Variants in HS3ST3A1 observed in about 807,000 individuals in gnomAD.
HS3ST3A1 encodes heparan sulfate glucosamine 3-O-sulfotransferase 3A1.
Under a neutral mutation model 25.7 loss-of-function variants are expected in HS3ST3A1, and 19 were observed. The ratio of observed to expected loss-of-function variants is 0.74; its 90% CI spans 0.52 to 1.08. The LOEUF (loss-of-function observed/expected upper bound fraction) is 1.08. HS3ST3A1 is among the 50% of genes least tolerant of loss of function. The probability of loss-of-function intolerance (pLI) is 0.00; values close to 1 mark genes in which losing one functional copy is unlikely to be tolerated. For missense variants in HS3ST3A1, 459 were observed against 594.3 expected (o/e 0.77, Z 2.37); for synonymous variants, 226 against 278.6 (o/e 0.81, Z 1.88).
chr17:13,505,374 C>T (rs568176024), intron 1 of HS3ST3A1, among the ~76,000 whole-genome samples: 1 of 152,210 alleles, frequency 6.6e-6, no homozygotes, highest in East Asian at 1.9e-4. Flanking sequence ...AACTGAGGAG[C>T]TGTATGAAAT....
intron 1 of HS3ST3A1, among the ~76,000 whole-genome samples, chr17:13,500,829 G>T (rs1006968270): frequency 6.6e-6 from 1 of 152,128 alleles, no homozygotes; most frequent in Non-Finnish European, 1.5e-5. Flanking sequence ...TCTCCCCATA[G>T]AACTCAAAGA....
chr17:13,567,360 G>C (rs1416868048), intron 1 of HS3ST3A1, among the ~76,000 whole-genome samples: 1 of 152,198 alleles, frequency 6.6e-6, no homozygotes, highest in Non-Finnish European at 1.5e-5. Context: ...TGAGGTATAA[G>C]ATGAATGTTG....
intron 1 of HS3ST3A1, among the ~76,000 whole-genome samples, chr17:13,585,833 C>A: frequency 1.4e-5 from 2 of 145,930 alleles, no homozygotes; most frequent in African/African-American, 2.6e-5. Flanking sequence ...GTTATTCCTC[C>A]TTCTGCGTTT....
intron 1 of HS3ST3A1, among the ~76,000 whole-genome samples, chr17:13,534,239 A>G (rs553443895): frequency 3.9e-5 from 6 of 152,302 alleles, no homozygotes; most frequent in Admixed American, 6.5e-5. Flanking sequence ...AAGCAGATAC[A>G]TATTTAAGAT....
intron 1 of HS3ST3A1, among the ~76,000 whole-genome samples, chr17:13,506,671 G>A (rs566324652): frequency 5.0e-4 from 76 of 152,344 alleles, no homozygotes; most frequent in African/African-American, 1.3e-3. Flanking sequence ...TCTATGAGCA[G>A]AGAGGTCTCA....
At chr17:13,506,199 T>C (rs1905670511) in intron 1 of HS3ST3A1, among the ~76,000 whole-genome samples, 1 of 151,760 alleles carries the variant, frequency 6.6e-6, no homozygotes, top group Non-Finnish European at 1.5e-5. Context: ...GAAGACAACA[T>C]AGTTTTATAG....
intron 1 of HS3ST3A1, among the ~76,000 whole-genome samples, chr17:13,553,426 A>G (rs1907293194): frequency 6.6e-6 from 1 of 152,178 alleles, no homozygotes; most frequent in Non-Finnish European, 1.5e-5. Context: ...GCAGCTTTAA[A>G]TAACAGCATC....
intron 1 of HS3ST3A1, among the ~76,000 whole-genome samples, chr17:13,578,790 A>G (rs1908021187): frequency 6.6e-6 from 1 of 152,210 alleles, no homozygotes; most frequent in Non-Finnish European, 1.5e-5. Flanking sequence ...AGTAAGAGGA[A>G]TTACAGAGAT....
intron 1 of HS3ST3A1, among the ~76,000 whole-genome samples, chr17:13,548,606 G>A (rs887851311): frequency 9.2e-5 from 14 of 152,140 alleles, no homozygotes; most frequent in African/African-American, 3.4e-4. Context: ...CACTCCACAT[G>A]TTGAGAGGTG....
intron 1 of HS3ST3A1, among the ~76,000 whole-genome samples, chr17:13,579,718 A>AG (rs1483737709): frequency 2.0e-5 from 3 of 148,140 alleles, no homozygotes; most frequent in Non-Finnish European, 3.0e-5. Context: ...AAAAAAAAAA[A>AG]AAAAAAAAAA....
Position 13,601,209 on chromosome 17 carries a change from G to A in HS3ST3A1, c.-80C>T. The stretch of plus-strand genomic sequence containing the variant: ...ACAGGTGCCAGAGCATCCCCCCGGC[G>A]GGCCAGCGCGCTGGACGGAGGCCAC... On this transcript the variant is annotated 5_prime_UTR_variant, in exon 1 of 2. Coordinates refer to ENST00000284110, the MANE Select transcript of HS3ST3A1 (RefSeq NM_006042.3). The A allele has an allele frequency of 8.9e-7, 1 of 1,125,196 alleles. No individual in the cohort carries two copies. Among genetic ancestry groups the A allele is most frequent in the African/African-American group, 1.7e-5 (1 of 60,292 alleles). The allele number at this position is 1,125,196 out of a possible 1,614,324, so 69.7% of individuals were successfully genotyped here.
chr17:13,498,085 G>A (rs1435640477), intron 1 of HS3ST3A1, among the ~76,000 whole-genome samples: 1 of 152,118 alleles, frequency 6.6e-6, no homozygotes, highest in South Asian at 2.1e-4. Flanking sequence ...ACTTCATAAA[G>A]GCCTATTTTA....
chr17:13,511,804 T>C (rs1368020223), intron 1 of HS3ST3A1, among the ~76,000 whole-genome samples: 1 of 152,044 alleles, frequency 6.6e-6, no homozygotes, highest in African/African-American at 2.4e-5. Flanking sequence ...CAATTTAAAA[T>C]AATTTTTATT....
At chr17:13,538,312 T>C (rs1174194572) in intron 1 of HS3ST3A1, among the ~76,000 whole-genome samples, 1 of 152,232 alleles carries the variant, frequency 6.6e-6, no homozygotes, top group Non-Finnish European at 1.5e-5. Context: ...AATTACTGAC[T>C]GACTCCAAGC....
chr17:13,530,136 G>T (rs988291514), intron 1 of HS3ST3A1, among the ~76,000 whole-genome samples: 2 of 152,042 alleles, frequency 1.3e-5, no homozygotes, highest in Admixed American at 6.6e-5. Context: ...CCTTTGAATA[G>T]ATGCAATACA....
At chr17:13,591,265 T>G (rs1169095082) in intron 1 of HS3ST3A1, among the ~76,000 whole-genome samples, 1 of 152,050 alleles carries the variant, frequency 6.6e-6, no homozygotes, top group Non-Finnish European at 1.5e-5. Flanking sequence ...CAGGCTGGTC[T>G]CGAATTCCTG....
At chr17:13,561,763 C>T (rs1021271625) in intron 1 of HS3ST3A1, among the ~76,000 whole-genome samples, 8 of 152,100 alleles carry the variant, frequency 5.3e-5, no homozygotes, top group Non-Finnish European at 1.0e-4. Flanking sequence ...CTGCGGGATT[C>T]CAGCAGGAGA....
intron 1 of HS3ST3A1, among the ~76,000 whole-genome samples, chr17:13,564,628 T>A (rs1374743700): frequency 6.6e-6 from 1 of 151,890 alleles, no homozygotes; most frequent in Admixed American, 6.6e-5. Context: ...TATTGTTTTG[T>A]GGGAGCGGGG....
At chr17:13,502,341 G>T (rs1905506818) in intron 1 of HS3ST3A1, among the ~76,000 whole-genome samples, 1 of 152,150 alleles carries the variant, frequency 6.6e-6, no homozygotes, top group Admixed American at 6.5e-5. Flanking sequence ...CTCCATGGCT[G>T]TGCCTTAACG....
Sources: gnomAD v4.1 joint callset for allele counts (sites outside exome capture counted in the v4.1 genomes callset) on GRCh38, gnomAD v4.1.1 for gene constraint, MANE v1.5 for transcripts, NCBI Gene and HGNC (gene_info 2026-07-23, HGNC 2026-07-21) for gene names.